The following RALYL variants were observed in gnomAD, a reference collection of about 807,000 sequenced individuals.
RALYL encodes the protein RNA-binding Raly-like protein.
In RALYL, 29 loss-of-function variants were observed where a neutral mutation model predicts 35.1. The observed-to-expected ratio is 0.83, with a 90% CI of 0.61 to 1.13. The LOEUF is 1.13. Ranked by LOEUF, RALYL falls within the 50% of genes most tolerant of loss-of-function variation. The pLI, the probability that RALYL is intolerant of heterozygous loss-of-function variation, is 0.00. For missense variants in RALYL, 359 were observed against 360.4 expected (o/e 1.00, Z 0.03); for synonymous variants, 120 against 127.6 (o/e 0.94, Z 0.40).
At chr8:84,528,262 G>A (rs1420062711) in intron 1 of RALYL, among the ~76,000 whole-genome samples, 1 of 151,942 alleles carries the variant, frequency 6.6e-6, no homozygotes, top group Non-Finnish European at 1.5e-5. Context: ...TTTTAGTTTA[G>A]CCTTAATGGT....
intron 7 of RALYL, among the ~76,000 whole-genome samples, chr8:84,878,747 AATG>A (rs1177723973): frequency 3.9e-5 from 2 of 50,748 alleles, no homozygotes; most frequent in African/African-American, 3.6e-4. Context: ...AACTCAATAC[AATG>A]ATTGGAAGAC....
chr8:84,636,095 T>TACCAC (rs2131307153), intron 2 of RALYL, among the ~76,000 whole-genome samples: 1 of 151,882 alleles, frequency 6.6e-6, no homozygotes, highest in Admixed American at 6.6e-5. Flanking sequence ...AATCCTCTAT[T>TACCAC]ACCACACACT....
chr8:84,283,503 G>A (rs1030755574), intron 1 of RALYL, among the ~76,000 whole-genome samples: 1 of 152,052 alleles, frequency 6.6e-6, no homozygotes, highest in African/African-American at 2.4e-5. Context: ...TCCTGGAGAG[G>A]TAGCATCCAT....
intron 1 of RALYL, among the ~76,000 whole-genome samples, chr8:84,490,968 A>C (rs963550115): frequency 6.6e-6 from 1 of 151,870 alleles, no homozygotes; most frequent in Non-Finnish European, 1.5e-5. Flanking sequence ...TTTTTGTGGT[A>C]TTTTTTAAGC....
chr8:84,549,106 C>T (rs1457340804), intron 2 of RALYL, among the ~76,000 whole-genome samples: 1 of 152,152 alleles, frequency 6.6e-6, no homozygotes, highest in Non-Finnish European at 1.5e-5. Flanking sequence ...ATTCCTCTTT[C>T]TCCCACACAG....
intron 2 of RALYL, among the ~76,000 whole-genome samples, chr8:84,765,161 C>A (rs138454438): frequency 2.0e-5 from 3 of 152,270 alleles, no homozygotes; most frequent in African/African-American, 7.2e-5. Flanking sequence ...CTCTCTACAG[C>A]ACTCCTTTAA....
chr8:84,532,218 G>A (rs916288101), intron 2 of RALYL, among the ~76,000 whole-genome samples: 2 of 151,922 alleles, frequency 1.3e-5, no homozygotes, highest in African/African-American at 4.8e-5. Context: ...TATACCCAGC[G>A]GTTTTTTTGT....
At chr8:84,548,991 G>A (rs1564126185) in intron 2 of RALYL, among the ~76,000 whole-genome samples, 1 of 152,252 alleles carries the variant, frequency 6.6e-6, no homozygotes, top group Admixed American at 6.5e-5. Flanking sequence ...ATTGGATCAT[G>A]AGAGCCCTCT....
chr8:84,312,190 C>T (rs1717027088), intron 1 of RALYL, among the ~76,000 whole-genome samples: 1 of 152,120 alleles, frequency 6.6e-6, no homozygotes, highest in Non-Finnish European at 1.5e-5. Context: ...AGAATTCCCT[C>T]ACTATCAAGA....
At chr8:84,390,092 T>G (rs1389324492) in intron 1 of RALYL, among the ~76,000 whole-genome samples, 1 of 151,670 alleles carries the variant, frequency 6.6e-6, no homozygotes, top group African/African-American at 2.4e-5. Flanking sequence ...TCTGCATCAA[T>G]TGAGATAATC....
At chr8:84,733,104 A>T (rs28722663) in intron 2 of RALYL, among the ~76,000 whole-genome samples, 50,143 of 151,940 alleles carry the variant, frequency 0.33, 9,872 homozygotes, top group African/African-American at 0.55. Context: ...AAAGTGGAAA[A>T]TGTGGCCCAG....
At chr8:84,828,495 A>T (rs933927014) in intron 4 of RALYL, 1 of 153,108 alleles carries the variant, frequency 6.5e-6, no homozygotes, top group Admixed American at 6.6e-5. Context: ...GGGCTACGGC[A>T]ACAAAACATT....
intron 1 of RALYL, among the ~76,000 whole-genome samples, chr8:84,469,022 G>A (rs1361388937): frequency 6.6e-6 from 1 of 151,526 alleles, no homozygotes; most frequent in Non-Finnish European, 1.5e-5. Flanking sequence ...TCTCTGTATT[G>A]GTTATTCTAG....
chr8:84,509,674 C>G (rs1342345315), intron 1 of RALYL, among the ~76,000 whole-genome samples: 1 of 152,076 alleles, frequency 6.6e-6, no homozygotes, highest in Non-Finnish European at 1.5e-5. Flanking sequence ...GTCAAGGATC[C>G]ATTCTGGGTT....
chr8:84,327,592 G>C (rs764613978), intron 1 of RALYL, among the ~76,000 whole-genome samples: 2 of 151,922 alleles, frequency 1.3e-5, no homozygotes, highest in Non-Finnish European at 2.9e-5. Flanking sequence ...CTATGGCTGC[G>C]TTCCTGCTGC....
intron 1 of RALYL, among the ~76,000 whole-genome samples, chr8:84,512,961 A>T (rs749853215): frequency 6.6e-6 from 1 of 152,102 alleles, no homozygotes; most frequent in Non-Finnish European, 1.5e-5. Flanking sequence ...CAGGTCTGTG[A>T]TGTTTCCAAC....
chr8:84,203,656 A>C (rs182710646), intron 1 of RALYL, among the ~76,000 whole-genome samples: 120 of 152,244 alleles, frequency 7.9e-4, no homozygotes, highest in African/African-American at 2.7e-3. Flanking sequence ...GTTGATTGGA[A>C]ATGGAAAATG....
At chr8:84,291,136 C>T (rs1838700304) in intron 1 of RALYL, among the ~76,000 whole-genome samples, 1 of 152,078 alleles carries the variant, frequency 6.6e-6, no homozygotes, top group South Asian at 2.1e-4. Context: ...TATATTGGAA[C>T]ATAGGCTTCA....
chr8:84,367,156 G>A (rs555072846), intron 1 of RALYL, among the ~76,000 whole-genome samples: 7 of 128,464 alleles, frequency 5.4e-5, no homozygotes, highest in African/African-American at 2.1e-4. Context: ...TTTTTTTTGA[G>A]ATGGAATCTC....
Sources: allele counts gnomAD v4.1 joint callset (sites outside exome capture counted in the v4.1 genomes callset), GRCh38; gene constraint gnomAD v4.1.1; transcripts MANE v1.5; gene names NCBI Gene and HGNC (gene_info 2026-07-23, HGNC 2026-07-21).